Variants in PIK3C2G observed in about 807,000 individuals in gnomAD.
PIK3C2G encodes phosphatidylinositol-4-phosphate 3-kinase catalytic subunit type 2 gamma.
In PIK3C2G, 168 loss-of-function variants were observed where a neutral mutation model predicts 181.1. The ratio of observed to expected loss-of-function variants is 0.93; its 90% CI spans 0.82 to 1.05. The LOEUF (loss-of-function observed/expected upper bound fraction) is 1.05. Ranked by LOEUF, PIK3C2G falls within the 50% of genes least tolerant of loss-of-function variation. PIK3C2G has a pLI of 0.00. For missense variants in PIK3C2G, 1,869 were observed against 1,732.8 expected, an observed-to-expected ratio of 1.08 and a Z score of -1.40; for synonymous variants, 573 against 592.2, an observed-to-expected ratio of 0.97 and a Z score of 0.47.
chr12:18,435,174 A>G (rs1181749142), intron 18 of PIK3C2G, among the ~76,000 whole-genome samples: 1 of 152,156 alleles, frequency 6.6e-6, no homozygotes, highest in Non-Finnish European at 1.5e-5. Flanking sequence ...AGCCATTACT[A>G]AGATATCCAA....
At chr12:18,330,888 A>C (rs977545124) in intron 8 of PIK3C2G, among the ~76,000 whole-genome samples, 2 of 152,182 alleles carry the variant, frequency 1.3e-5, no homozygotes, top group African/African-American at 4.8e-5. Context: ...GCCATTCAAA[A>C]AGCAGAAGCT....
Position 18,381,865 on chromosome 12 carries a change from C to T in PIK3C2G, c.1980C>T (p.Ser660=). The change falls in exon 14 of 33, where the codon TCC becomes TCT. Residue 660 remains serine, a synonymous_variant. Transcript: ENST00000538779. Reference sequence around the variant, plus strand: ...GAGTGTGGGATGTAAGTCAGCCATCCCCGGTGACCCTGCAGGTAAGTGCCA... The same window carrying T: ...GAGTGTGGGATGTAAGTCAGCCATCTCCGGTGACCCTGCAGGTAAGTGCCA... ...TPGVWDVSQP[S]PVTLQIDFPA... is the part of the protein sequence containing the mutation. The T allele has an allele frequency of 6.2e-7, 1 of 1,606,920 alleles. No homozygotes were observed. Among genetic ancestry groups the T allele is most frequent in the Non-Finnish European group, 8.5e-7 (1 of 1,173,490 alleles).
At chr12:18,693,762 T>G in the PIK3C2G span, 1 of 1,518,170 alleles carries the variant, frequency 6.6e-7, no homozygotes, top group Non-Finnish European at 9.1e-7. Flanking sequence ...AAAGCTATCA[T>G]GGCCACAAAC....
chr12:18,453,608 T>C (rs1407309956), intron 18 of PIK3C2G, among the ~76,000 whole-genome samples: 5 of 152,112 alleles, frequency 3.3e-5, no homozygotes, highest in African/African-American at 1.2e-4. Flanking sequence ...AACACTCATA[T>C]CTTGAGGTTA....
At chr12:18,571,669 A>G (rs530576936) in intron 29 of PIK3C2G, among the ~76,000 whole-genome samples, 8 of 151,014 alleles carry the variant, frequency 5.3e-5, no homozygotes, top group Admixed American at 3.9e-4. Context: ...TAGCCAAGCC[A>G]GCTTTATTTT....
At chr12:18,467,760 C>G (rs1353517534) in intron 18 of PIK3C2G, among the ~76,000 whole-genome samples, 1 of 151,846 alleles carries the variant, frequency 6.6e-6, no homozygotes, top group Non-Finnish European at 1.5e-5. Context: ...CACCCTAACT[C>G]CACCCTAACA....
chr12:18,719,781 T>G, the PIK3C2G span: 1 of 466,670 alleles, frequency 2.1e-6, no homozygotes, highest in Middle Eastern at 6.1e-4. Context: ...ATTTATGTTG[T>G]TTGGAAACAA....
At chr12:18,263,250 G>T (rs1392387101) in intron 1 of PIK3C2G, among the ~76,000 whole-genome samples, 1 of 152,016 alleles carries the variant, frequency 6.6e-6, no homozygotes, top group Non-Finnish European at 1.5e-5. Context: ...AAAAACATGA[G>T]TTCTGTAAGT....
intron 16 of PIK3C2G, among the ~76,000 whole-genome samples, chr12:18,409,863 C>A (rs770809806): frequency 5.9e-5 from 9 of 152,222 alleles, no homozygotes; most frequent in South Asian, 2.1e-4. Context: ...AGGAAACTTA[C>A]AACCATGGTG....
chr12:18,567,171 G>C, intron 29 of PIK3C2G, 114 bp downstream of exon 29: 1 of 598,472 alleles, frequency 1.7e-6, no homozygotes, highest in African/African-American at 1.9e-5. Context: ...GTCAAGGTGG[G>C]ATGATTGCTT....
chr12:18,381,736 G>C (rs1335161539), intron 13 of PIK3C2G, 30 bp from the exon 14 acceptor site: 4 of 1,259,440 alleles, frequency 3.2e-6, no homozygotes, highest in Non-Finnish European at 3.5e-6. Context: ...AGTGACTCCT[G>C]TCTGTGTGTG....
intron 25 of PIK3C2G, among the ~76,000 whole-genome samples, chr12:18,538,796 T>C (rs1366614565): frequency 3.9e-5 from 6 of 151,924 alleles, no homozygotes; most frequent in Admixed American, 1.3e-4. Context: ...AGTGAGTTGC[T>C]AGCAACTCAG....
At chr12:18,478,475 C>T (rs367557315) in intron 18 of PIK3C2G, among the ~76,000 whole-genome samples, 18 of 152,260 alleles carry the variant, frequency 1.2e-4, no homozygotes, top group African/African-American at 4.1e-4. Context: ...TCCCCCAATG[C>T]CACCCACTGC....
chr12:18,304,552 C>T (rs922816927), intron 5 of PIK3C2G, among the ~76,000 whole-genome samples: 40 of 152,226 alleles, frequency 2.6e-4, no homozygotes, highest in Non-Finnish European at 1.3e-4. Flanking sequence ...CTACCTCGCC[C>T]GGCCCAATTT....
intron 8 of PIK3C2G, among the ~76,000 whole-genome samples, chr12:18,332,829 G>C (rs1018081162): frequency 6.6e-6 from 1 of 152,100 alleles, no homozygotes; most frequent in Admixed American, 6.6e-5. Context: ...CGCCGTAACT[G>C]TCTCCCAGAA....
intron 29 of PIK3C2G, among the ~76,000 whole-genome samples, chr12:18,585,797 C>T (rs1946741819): frequency 6.6e-6 from 1 of 152,064 alleles, no homozygotes; most frequent in African/African-American, 2.4e-5. Flanking sequence ...CACAATTGGA[C>T]AAATAACAAT....
At chr12:18,270,609 T>C (rs930242813) in intron 1 of PIK3C2G, among the ~76,000 whole-genome samples, 2 of 152,172 alleles carry the variant, frequency 1.3e-5, no homozygotes, top group African/African-American at 4.8e-5. Flanking sequence ...AGGCTAGCTA[T>C]ACAATGATTT....
intron 25 of PIK3C2G, 34 bp from the exon 26 acceptor site, chr12:18,546,289 T>C: frequency 8.1e-7 from 1 of 1,234,868 alleles, no homozygotes; most frequent in Non-Finnish European, 1.2e-6. Flanking sequence ...TATTCTGTCT[T>C]CTTTTTGCTT....
At chr12:18,697,801 TA>T in the PIK3C2G span, among the ~76,000 whole-genome samples, 1 of 111,376 alleles carries the variant, frequency 9.0e-6, no homozygotes, top group African/African-American at 4.5e-5. Flanking sequence ...TCTACAACAT[TA>T]TTTTTTAATG....
Sources: allele counts gnomAD v4.1 joint callset (sites outside exome capture counted in the v4.1 genomes callset), GRCh38; gene constraint gnomAD v4.1.1; transcripts MANE v1.5; gene names NCBI Gene and HGNC (gene_info 2026-07-23, HGNC 2026-07-21).